Variants in SAMD4A observed in about 807,000 individuals in gnomAD.
SAMD4A encodes protein Smaug homolog 1.
A neutral mutation model predicts 81.3 loss-of-function variants in SAMD4A; 33 were observed. That is an observed-to-expected ratio of 0.41 (90% CI 0.31 to 0.54). SAMD4A has a LOEUF of 0.54. Ranked by LOEUF, SAMD4A falls within the 20% of genes least tolerant of loss-of-function variation. The pLI, the probability that SAMD4A is intolerant of heterozygous loss-of-function variation, is 0.37. For synonymous variants in SAMD4A, 389 were observed against 382.1 expected (o/e 1.02, Z -0.21); for missense variants, 854 against 951.1 (o/e 0.90, Z 1.34).
intron 2 of SAMD4A, among the ~76,000 whole-genome samples, chr14:54,603,561 A>AT (rs1187738239): frequency 2.0e-5 from 3 of 151,842 alleles, no homozygotes; most frequent in African/African-American, 4.8e-5. Context: ...TGTGAAATTG[A>AT]TTTTTTTAAA....
At chr14:54,714,115 G>A (rs966673566) in intron 3 of SAMD4A, among the ~76,000 whole-genome samples, 7 of 152,014 alleles carry the variant, frequency 4.6e-5, no homozygotes, top group South Asian at 2.1e-4. Flanking sequence ...TCAGCCTTTC[G>A]TATAGCATGA....
chr14:54,581,479 A>G (rs976960510), intron 2 of SAMD4A, among the ~76,000 whole-genome samples: 1 of 152,230 alleles, frequency 6.6e-6, no homozygotes, highest in Non-Finnish European at 1.5e-5. Flanking sequence ...CCTGATTTCC[A>G]CAGGCTGGAC....
intron 3 of SAMD4A, among the ~76,000 whole-genome samples, chr14:54,710,517 G>A (rs2036962592): frequency 6.6e-6 from 1 of 152,118 alleles, no homozygotes; most frequent in Non-Finnish European, 1.5e-5. Flanking sequence ...TAGGCAGTGA[G>A]GCCCCTGGAA....
At chr14:54,580,586 G>A (rs201852320) in intron 2 of SAMD4A, among the ~76,000 whole-genome samples, 15 of 152,242 alleles carry the variant, frequency 9.9e-5, no homozygotes, top group East Asian at 3.9e-4. Context: ...TCATTCATTC[G>A]TTGGTTAAAC....
At chr14:54,715,359 AGAGTGCTGCTGAT>A (rs2037092440) in intron 3 of SAMD4A, among the ~76,000 whole-genome samples, 2 of 152,072 alleles carry the variant, frequency 1.3e-5, no homozygotes, top group Non-Finnish European at 2.9e-5. Context: ...TTCAACTCAG[AGAGTGCTGCTGAT>A]GAGTCGATAG....
chr14:54,695,114 A>T (rs1393293638), intron 2 of SAMD4A, among the ~76,000 whole-genome samples: 1 of 152,230 alleles, frequency 6.6e-6, no homozygotes, highest in African/African-American at 2.4e-5. Flanking sequence ...TCCAAGGGAC[A>T]GTAGCATTTT....
chr14:54,644,001 C>T (rs987268908), intron 2 of SAMD4A, among the ~76,000 whole-genome samples: 8 of 152,136 alleles, frequency 5.3e-5, no homozygotes, highest in Non-Finnish European at 1.0e-4. Flanking sequence ...ATGCTTATTG[C>T]GGACAGCTGG....
intron 2 of SAMD4A, among the ~76,000 whole-genome samples, chr14:54,612,414 T>C (rs79672235): frequency 0.015 from 2,299 of 152,276 alleles, 54 homozygotes; most frequent in African/African-American, 0.053. Flanking sequence ...GAGTTTGGGC[T>C]ATTATTAATT....
chr14:54,587,764 T>C (rs1187531691), intron 2 of SAMD4A, among the ~76,000 whole-genome samples: 1 of 152,242 alleles, frequency 6.6e-6, no homozygotes, highest in Non-Finnish European at 1.5e-5. Flanking sequence ...ATTATCTTTT[T>C]GATATGCTGT....
chr14:54,768,645 G>A (rs2038620872), intron 8 of SAMD4A, among the ~76,000 whole-genome samples: 3 of 152,212 alleles, frequency 2.0e-5, no homozygotes, highest in Admixed American at 1.3e-4. Context: ...CTTTTGCCCA[G>A]TTTCAGAGGT....
intron 2 of SAMD4A, among the ~76,000 whole-genome samples, chr14:54,655,427 G>A (rs958878872): frequency 6.6e-6 from 1 of 152,176 alleles, no homozygotes; most frequent in Non-Finnish European, 1.5e-5. Flanking sequence ...TTAAAACATA[G>A]TGGTTAAGAA....
At chr14:54,764,809 C>G (rs2038493770) in intron 8 of SAMD4A, among the ~76,000 whole-genome samples, 1 of 152,212 alleles carries the variant, frequency 6.6e-6, no homozygotes, top group African/African-American at 2.4e-5. Context: ...GAAGCAGCCC[C>G]GGGTGGCCAA....
At chr14:54,726,648 G>A (rs2037421485) in intron 3 of SAMD4A, among the ~76,000 whole-genome samples, 1 of 152,140 alleles carries the variant, frequency 6.6e-6, no homozygotes, top group Admixed American at 6.6e-5. Flanking sequence ...CCAGTGCAGT[G>A]GTTCTTGACC....
rs1179955763 is a variant in SAMD4A, at chr14:54,789,532, A to G, written c.*588A>G. On this transcript the variant is annotated 3_prime_UTR_variant, in exon 13 of 13. Transcript: ENST00000554335. ...AAGAAATTCCCTGCAACAAAACTTC[A>G]GCTAAACTTTGATTTGTGTATTGTT... The G allele has an allele frequency of 6.5e-6, 1 of 153,536 alleles. No individual in the cohort carries two copies. The highest frequency in any genetic ancestry group is 6.4e-5 in the Admixed American group (1 of 15,528). The allele number at this position is 153,536 out of a possible 1,614,324, so 9.5% of individuals were successfully genotyped here.
chr14:54,666,870 GGAGCTTAAGACC>G (rs2035769543), intron 2 of SAMD4A, among the ~76,000 whole-genome samples: 2 of 152,088 alleles, frequency 1.3e-5, no homozygotes, highest in South Asian at 4.2e-4. Flanking sequence ...TCAAATCATG[GGAGCTTAAGACC>G]CTGGAAGAAA....
At chr14:54,657,427 C>T (rs143262240) in intron 2 of SAMD4A, among the ~76,000 whole-genome samples, 1 of 152,168 alleles carries the variant, frequency 6.6e-6, no homozygotes, top group African/African-American at 2.4e-5. Flanking sequence ...CTAGAATTAA[C>T]GATGTAATTG....
intron 2 of SAMD4A, among the ~76,000 whole-genome samples, chr14:54,626,433 C>T (rs892965267): frequency 2.0e-5 from 3 of 152,090 alleles, no homozygotes; most frequent in African/African-American, 7.2e-5. Context: ...ACTAAAACTT[C>T]TTATCTCTTG....
intron 2 of SAMD4A, among the ~76,000 whole-genome samples, chr14:54,662,103 T>C (rs2035654737): frequency 6.6e-6 from 1 of 152,218 alleles, no homozygotes; most frequent in South Asian, 2.1e-4. Context: ...TGCAGCTACA[T>C]GTGGGAGCTC....
rs143805613 is a variant in SAMD4A at position 54,790,476 on chromosome 14, A to G, written c.*1532A>G. The G allele has an allele frequency of 6.6e-6, 1 of 152,370 alleles. No homozygotes were observed. Among genetic ancestry groups the G allele is most frequent in the African/African-American group, 2.4e-5 (1 of 41,586 alleles). 9.4% of individuals were successfully genotyped at this position (152,370 alleles called of 1,614,324 possible). ...TTGAGAAACTGTGGTACCTACCACA[A>G]AGTAATAGCTCTGTTTATGAAGGGC... On this transcript the variant is annotated 3_prime_UTR_variant, in exon 13 of 13. Transcript: ENST00000554335.
Sources: allele counts gnomAD v4.1 joint callset (sites outside exome capture counted in the v4.1 genomes callset), GRCh38; gene constraint gnomAD v4.1.1; transcripts MANE v1.5; gene names NCBI Gene and HGNC (gene_info 2026-07-23, HGNC 2026-07-21).